SIM1: variants seen among roughly 807,000 people sequenced by gnomAD.
The protein encoded by SIM1 is SIM bHLH transcription factor 1.
SIM1 carries 18 observed loss-of-function variants against 78.2 expected under a neutral mutation model. The ratio of observed to expected loss-of-function variants is 0.23; its 90% CI spans 0.16 to 0.34. SIM1 has a LOEUF of 0.34. SIM1 is among the 10% of genes least tolerant of loss of function. The probability of loss-of-function intolerance (pLI) is 1.00; values close to 1 mark genes in which losing one functional copy is unlikely to be tolerated. For missense variants in SIM1, 939 were observed against 975.1 expected (o/e 0.96, Z 0.49); for synonymous variants, 417 against 385.2 (o/e 1.08, Z -0.97).
intron 4 of SIM1, 129 bp from the exon 5 acceptor site, chr6:100,449,828 C>T (rs2114542799): frequency 1.4e-6 from 1 of 700,698 alleles, no homozygotes; most frequent in African/African-American, 1.7e-5. Context: ...CCCTGAGTTC[C>T]AATGCCAGCT....
chr6:100,435,557 T>C (rs1328012034), intron 9 of SIM1, among the ~76,000 whole-genome samples: 1 of 152,084 alleles, frequency 6.6e-6, no homozygotes, highest in East Asian at 1.9e-4. Context: ...CAAAACAATG[T>C]GCCACGCCTC....
rs1396856256 is a variant in SIM1, at chr6:100,464,839, T to C, written c.-693A>G. The stretch of plus-strand genomic sequence containing the variant: ...GAGTGAGGTGATTTTAGAATCCTGG[T>C]CCTCCGTAGTTGCTACGAAGCCAGT... On this transcript the variant is annotated 5_prime_UTR_variant, in exon 1 of 12. Transcript: ENST00000369208. 6.6e-6 allele frequency: 1 copy of C among 152,200 alleles called. No individual in the cohort carries two copies. Among genetic ancestry groups the C allele is most frequent in the African/African-American group, 2.4e-5 (1 of 41,420 alleles). 9.4% of individuals were successfully genotyped at this position (152,200 alleles called of 1,614,324 possible). A position where few individuals can be genotyped will look rare whatever the true frequency, so the allele number is the denominator to read the frequency against.
At position 100,390,826 on chromosome 6, in the gene SIM1, G is replaced by T. The variant is rs779153540; in HGVS notation, c.1836C>A (p.Pro612=). 2.5e-6 allele frequency: 4 copies of T among 1,614,168 alleles called. No individual in the cohort carries two copies. Among genetic ancestry groups the T allele is most frequent in the Non-Finnish European group, 3.4e-6 (4 of 1,180,030 alleles). The change falls in exon 12 of 12, where the codon CCC becomes CCA. Residue 612 remains proline (P), a synonymous_variant. Coordinates refer to ENST00000369208, the MANE Select transcript of SIM1 (RefSeq NM_005068.3). ...HSLCFANYQQ[P]PPTGEVCHGS... ...CATGGCAGACTTCACCTGTTGGTGG[G>T]GGCTGTTGGTAGTTTGCAAAACACA...
intron 9 of SIM1, among the ~76,000 whole-genome samples, chr6:100,447,045 G>A (rs1772373873): frequency 6.6e-6 from 1 of 152,220 alleles, no homozygotes. Context: ...TATGGACTGT[G>A]ATGGAAAAAC....
rs1161091580 is a variant in SIM1 at position 100,412,671 on chromosome 6, GAGAAAGAAAGAA to G, written c.1167+8107_1167+8118del. ...AAAGAAAGAAAGAGAGAGAGAGAGAGAGAAAGAAAGAAAAAGAAAGAAAGAAAGAAAGAAAGA... is the reference window on the plus strand; with the variant it reads ...AAAGAAAGAAAGAGAGAGAGAGAGAGAAAGAAAGAAAGAAAGAAAGAAAGA... On this transcript the variant is annotated intron_variant, in intron 10 of 11. Transcript: ENST00000369208. Among the ~76,000 whole-genome samples the G allele has an allele frequency of 2.6e-4, 25 of 96,426 alleles. 1 individual carries two copies. The highest frequency in any genetic ancestry group is 2.2e-3 in the Admixed American group (19 of 8,786). 63.3% of individuals were successfully genotyped at this position (96,426 alleles called of 152,430 possible). A position where few individuals can be genotyped will look rare whatever the true frequency, so the allele number is the denominator to read the frequency against.
intron 9 of SIM1, among the ~76,000 whole-genome samples, chr6:100,435,990 C>G (rs1420502815): frequency 7.2e-6 from 1 of 138,568 alleles, no homozygotes; most frequent in African/African-American, 2.7e-5. Flanking sequence ...CCTTACCATA[C>G]ACATCACACA....
At chr6:100,424,090 G>A (rs771000987) in intron 9 of SIM1, among the ~76,000 whole-genome samples, 13 of 109,200 alleles carry the variant, frequency 1.2e-4, no homozygotes, top group African/African-American at 3.8e-4. Context: ...CCCAGGGTAC[G>A]CATCTCACTG....
At chr6:100,420,468 A>G (rs1267728461) in intron 10 of SIM1, among the ~76,000 whole-genome samples, 1 of 152,042 alleles carries the variant, frequency 6.6e-6, no homozygotes, top group Admixed American at 6.5e-5. Flanking sequence ...GTATTTTGTT[A>G]TGCTGGCTAC....
chr6:100,396,028 A>T lies in SIM1; in HGVS notation c.1168-2139T>A, dbSNP rs188460647. On this transcript the variant is annotated intron_variant, in intron 10 of 11. Coordinates refer to ENST00000369208, the MANE Select transcript of SIM1 (RefSeq NM_005068.3). ...TCCCTGCAGGGTTGTAGAATAGGAG[A>T]CATCAAGGCATCCTGGGGCTCGGTA... 2,097 of 926,106 alleles carry T rather than the reference A, an allele frequency of 2.3e-3. 2 individuals are homozygous for T. The highest frequency in any genetic ancestry group is 2.6e-3 in the Non-Finnish European group (1,981 of 775,784). 57.4% of individuals were successfully genotyped at this position (926,106 alleles called of 1,614,324 possible). A position where few individuals can be genotyped will look rare whatever the true frequency, so the allele number is the denominator to read the frequency against.
At position 100,386,489 on chromosome 6, in the gene SIM1, T is replaced by C. The variant is rs1410857268; in HGVS notation, c.*3872A>G. 1 of 152,074 alleles carries C rather than the reference T, an allele frequency of 6.6e-6. No individual in the cohort carries two copies. Among genetic ancestry groups the C allele is most frequent in the African/African-American group, 2.4e-5 (1 of 41,446 alleles). 9.4% of individuals were successfully genotyped at this position (152,074 alleles called of 1,614,324 possible). A position where few individuals can be genotyped will look rare whatever the true frequency, so the allele number is the denominator to read the frequency against. ...CCATCAAACTTACTTGGTTTAGATC[T>C]TGAGGGCGGAAATCTTGTATTTCAT... On this transcript the variant is annotated 3_prime_UTR_variant, in exon 12 of 12. Coordinates refer to ENST00000369208, the MANE Select transcript of SIM1 (RefSeq NM_005068.3).
chr6:100,413,551 C>A (rs1480027288), intron 10 of SIM1, among the ~76,000 whole-genome samples: 1 of 152,120 alleles, frequency 6.6e-6, no homozygotes, highest in East Asian at 1.9e-4. Flanking sequence ...CTAAATCTAG[C>A]CATCCATTTA....
intron 10 of SIM1, among the ~76,000 whole-genome samples, chr6:100,397,515 A>T (rs1026591447): frequency 2.0e-5 from 3 of 152,050 alleles, no homozygotes; most frequent in South Asian, 2.1e-4. Context: ...CAGCTTATAT[A>T]AAAAAAACTC....
In SIM1 at chr6:100,389,679, G is replaced by C; in HGVS notation, c.*682C>G. On this transcript the variant is annotated 3_prime_UTR_variant, in exon 12 of 12. Coordinates refer to ENST00000369208, the MANE Select transcript of SIM1 (RefSeq NM_005068.3). ...CTCAGCGCCATGTCAGTGCAATCCT[G>C]GTCCTTGTCTAACTGAAAAGCAAGG... The C allele has an allele frequency of 2.5e-6, 1 of 398,916 alleles. No homozygotes were observed. The highest frequency in any genetic ancestry group is 4.4e-6 in the Non-Finnish European group (1 of 226,050). 24.7% of individuals were successfully genotyped at this position (398,916 alleles called of 1,614,324 possible).
At chr6:100,450,696 T>TCTCTCTCACACACACA (rs1421452803) in intron 3 of SIM1, among the ~76,000 whole-genome samples, 114 of 91,922 alleles carry the variant, frequency 1.2e-3, no homozygotes, top group African/African-American at 3.8e-3. Flanking sequence ...TCTCTCTCTC[T>TCTCTCTCACACACACA]CACACACACA....
At chr6:100,443,724 A>G (rs901039409) in intron 9 of SIM1, among the ~76,000 whole-genome samples, 1 of 152,118 alleles carries the variant, frequency 6.6e-6, no homozygotes, top group South Asian at 2.1e-4. Context: ...TACAGTGGCT[A>G]CGCAGGAAAA....
intron 9 of SIM1, among the ~76,000 whole-genome samples, chr6:100,425,120 A>C (rs565280002): frequency 6.6e-6 from 1 of 152,182 alleles, no homozygotes; most frequent in East Asian, 1.9e-4. Context: ...ATGAGATCTG[A>C]TGGGTTGATC....
At chr6:100,418,393 A>T (rs1185764572) in intron 10 of SIM1, among the ~76,000 whole-genome samples, 7 of 151,650 alleles carry the variant, frequency 4.6e-5, no homozygotes, top group East Asian at 1.9e-4. Flanking sequence ...TAAATAAAAT[A>T]AAAAATTAAA....
intron 10 of SIM1, among the ~76,000 whole-genome samples, chr6:100,416,621 A>G (rs1771408290): frequency 6.6e-6 from 1 of 152,238 alleles, no homozygotes; most frequent in Non-Finnish European, 1.5e-5. Context: ...ATTTAAAATT[A>G]AATACAATTA....
chr6:100,453,834 C>T lies in SIM1; in HGVS notation c.186G>A (p.Glu62=), dbSNP rs1187729237. Residue 62 remains glutamate, a synonymous_variant, in exon 3 of 12, where the codon GAG becomes GAA. Transcript: ENST00000369208. ...MRVVFPEGLG[E]AWGHSSRTSP... ...TGGTCCGACTTGAGTGGCCCCACGC[C>T]TCGCCGAGCCCTGTGGAGACACAGA... 1.9e-6 allele frequency: 3 copies of T among 1,611,618 alleles called. No homozygotes were observed. Among genetic ancestry groups the T allele is most frequent in the East Asian group, 4.5e-5 (2 of 44,644 alleles).
Sources: allele counts gnomAD v4.1 joint callset (sites outside exome capture counted in the v4.1 genomes callset), GRCh38; gene constraint gnomAD v4.1.1; transcripts MANE v1.5; gene names NCBI Gene and HGNC (gene_info 2026-07-23, HGNC 2026-07-21).